Variants in NCKAP1L observed in about 807,000 individuals in gnomAD.
NCKAP1L encodes the protein NCK associated protein 1 like.
Under a neutral mutation model 139.2 loss-of-function variants are expected in NCKAP1L, and 53 were observed. The observed-to-expected ratio is 0.38, with a 90% confidence interval of 0.31 to 0.48. The LOEUF (loss-of-function observed/expected upper bound fraction) is 0.48, where lower values mean the gene tolerates loss of function less well. NCKAP1L is among the 20% of genes least tolerant of loss of function. The pLI is 0.98. For synonymous variants in NCKAP1L, 468 were observed against 499.7 expected, an observed-to-expected ratio of 0.94 and a Z score of 0.85; for missense variants, 1,151 against 1,381.9, an observed-to-expected ratio of 0.83 and a Z score of 2.65.
rs1336902503 is a variant in NCKAP1L, at chr12:54,522,717, A to G, written c.1879-677A>G. On this transcript the variant is annotated intron_variant, in intron 18 of 30. Coordinates refer to ENST00000293373, the MANE Select transcript of NCKAP1L (RefSeq NM_005337.5). ...CTTATGCTGCTCTCAGAGTGATTTCAACTGAGGAGCTTCCAGACATGCCCT... is the reference window on the plus strand; with the variant it reads ...CTTATGCTGCTCTCAGAGTGATTTCGACTGAGGAGCTTCCAGACATGCCCT... 3.3e-5 allele frequency among the ~76,000 whole-genome samples: 5 copies of G among 152,198 alleles called. 1 individual carries two copies. The East Asian group carries it at 9.6e-4, about 29-fold the overall frequency.
At chr12:54,534,084 C>A (rs936725011) in intron 26 of NCKAP1L, among the ~76,000 whole-genome samples, 1 of 152,128 alleles carries the variant, frequency 6.6e-6, no homozygotes, top group African/African-American at 2.4e-5. Flanking sequence ...TCTATGTGCT[C>A]AGCATTATGT....
intron 3 of NCKAP1L, among the ~76,000 whole-genome samples, chr12:54,505,400 T>C (rs1211907188): frequency 6.6e-6 from 1 of 151,444 alleles, no homozygotes; most frequent in Non-Finnish European, 1.5e-5. Flanking sequence ...TAACCACCAC[T>C]ACAAAGTATT....
intron 10 of NCKAP1L, among the ~76,000 whole-genome samples, 159 bp downstream of exon 10, chr12:54,516,454 T>TC (rs887153691): frequency 2.0e-5 from 3 of 151,610 alleles, no homozygotes; most frequent in African/African-American, 7.3e-5. Flanking sequence ...TCTTTTCTTT[T>TC]TTTTTTTTTT....
At position 54,517,803 on chromosome 12, in the gene NCKAP1L, T is replaced by C. The variant is rs779551123; in HGVS notation, c.1206-3T>C. On this transcript the variant is annotated splice_region_variant and splice_polypyrimidine_tract_variant and intron_variant, in intron 12 of 30. Coordinates refer to ENST00000293373, the MANE Select transcript of NCKAP1L (RefSeq NM_005337.5). Reference sequence around the variant, plus strand: ...ATCTCTGTTCTCATCCTAAACTTTATAGGAGCATTGCAGAGCTACTTTTCT... The same window carrying C: ...ATCTCTGTTCTCATCCTAAACTTTACAGGAGCATTGCAGAGCTACTTTTCT... 1.2e-6 allele frequency: 2 copies of C among 1,614,132 alleles called. No individual in the cohort carries two copies. The highest frequency in any genetic ancestry group is 1.6e-4 in the Middle Eastern group (1 of 6,062).
intron 22 of NCKAP1L, 24 bp from the exon 23 acceptor site, chr12:54,531,236 G>A: frequency 1.3e-6 from 2 of 1,587,412 alleles, no homozygotes; most frequent in Non-Finnish European, 1.7e-6. Flanking sequence ...AGTCCCATCT[G>A]GGGCCTCTGT....
At chr12:54,519,027 A>G in intron 15 of NCKAP1L, 55 bp downstream of exon 15, 2 of 1,566,126 alleles carry the variant, frequency 1.3e-6, no homozygotes, top group East Asian at 2.2e-5. Context: ...CTCCCCCACA[A>G]TCCCTTCTCT....
chr12:54,545,428 AG>A lies in NCKAP1L; in HGVS notation c.*2746del, dbSNP rs1447702323. 1 of 152,220 alleles carries A rather than the reference AG, an allele frequency of 6.6e-6. No homozygotes were observed. The highest frequency in any genetic ancestry group is 2.4e-5 in the African/African-American group (1 of 41,442). The allele number at this position is 152,220 out of a possible 1,614,324, so 9.4% of individuals were successfully genotyped here. ...TACTTGCCCGGTCTGCCTCTTCACA[AG>A]GGAAGACTTGGGTTTTAGAATCCAG... On this transcript the variant is annotated 3_prime_UTR_variant, in exon 31 of 31. Coordinates refer to ENST00000293373, the MANE Select transcript of NCKAP1L (RefSeq NM_005337.5).
chr12:54,517,628 G>C lies in NCKAP1L; in HGVS notation c.1191G>C (p.Glu397Asp). 1 of 1,612,720 alleles carries C rather than the reference G, an allele frequency of 6.2e-7. No individual in the cohort carries two copies. The highest frequency in any genetic ancestry group is 8.5e-7 in the Non-Finnish European group (1 of 1,178,752). The change falls in exon 12 of 31, where the codon GAG becomes GAC. Residue 397 changes from glutamate (E) to aspartate (D), a missense_variant. Physicochemically the swap from Glu to Asp is conservative, Grantham distance 45 (BLOSUM62 2). Coordinates refer to ENST00000293373, the MANE Select transcript of NCKAP1L (RefSeq NM_005337.5). The part of the protein sequence containing the change: ...TENVTKTKTP[E>D]DYADSSIAEL... ...ATGTCACCAAGACAAAGACACCTGA[G>C]GACTATGCTGACTCGTTAGTACTTG...
chr12:54,522,877 TA>T (rs893870927), intron 18 of NCKAP1L, among the ~76,000 whole-genome samples: 2 of 151,110 alleles, frequency 1.3e-5, no homozygotes, highest in African/African-American at 2.4e-5. Context: ...ATATGCTACT[TA>T]AAAAAAAAGT....
In NCKAP1L at chr12:54,517,007, T is replaced by C; in HGVS notation, c.1095+15T>C. On this transcript the variant is annotated intron_variant, in intron 11 of 30. Transcript: ENST00000293373. ...TGGGTCCTAAGGCAAGAGGAAGAAA[T>C]GTTGGGAGGGGAATGATGGCCAGTG... 2.5e-6 allele frequency: 4 copies of C among 1,604,440 alleles called. No individual in the cohort carries two copies. The highest frequency in any genetic ancestry group is 3.4e-6 in the Non-Finnish European group (4 of 1,172,520).
chr12:54,535,212 AG>A lies in NCKAP1L; in HGVS notation c.2956+20del, dbSNP rs1957105224. Reference sequence around the variant, plus strand: ...TCTGAAAGCTGGTAAGATTGGGGAAAGGGGGCGAGATTTGGGAAAGGAGGGC... The same window carrying A: ...TCTGAAAGCTGGTAAGATTGGGGAAAGGGGCGAGATTTGGGAAAGGAGGGC... On this transcript the variant is annotated intron_variant, in intron 27 of 30. Transcript: ENST00000293373. The A allele has an allele frequency of 3.7e-6, 6 of 1,603,356 alleles. No individual in the cohort carries two copies. Among genetic ancestry groups the A allele is most frequent in the Non-Finnish European group, 5.1e-6 (6 of 1,171,006 alleles).
chr12:54,510,411 C>T (rs894461392), intron 7 of NCKAP1L: 1 of 398,470 alleles, frequency 2.5e-6, no homozygotes, highest in Non-Finnish European at 5.0e-6. Flanking sequence ...GCAGCCTCCA[C>T]CTCCTGGGCT....
At chr12:54,506,277 C>G (rs938875239) in intron 3 of NCKAP1L, among the ~76,000 whole-genome samples, 2 of 152,112 alleles carry the variant, frequency 1.3e-5, no homozygotes, top group African/African-American at 4.8e-5. Context: ...TTCTCATCAG[C>G]ACTTGCTATT....
chr12:54,503,004 C>CAA (rs77302715), intron 3 of NCKAP1L, among the ~76,000 whole-genome samples: 17 of 83,572 alleles, frequency 2.0e-4, no homozygotes, highest in Admixed American at 4.0e-4. Context: ...GACTTTGTCT[C>CAA]AAAAAAAAAA....
chr12:54,510,417 G>A (rs1172088648), intron 7 of NCKAP1L: 2 of 388,728 alleles, frequency 5.1e-6, no homozygotes, highest in African/African-American at 2.1e-5. Flanking sequence ...TCCACCTCCT[G>A]GGCTCAAGTG....
chr12:54,533,077 C>T (rs1957085462), intron 26 of NCKAP1L, among the ~76,000 whole-genome samples: 1 of 152,176 alleles, frequency 6.6e-6, no homozygotes, highest in Admixed American at 6.5e-5. Context: ...CTCTATCTGC[C>T]TAAAATCATG....
intron 7 of NCKAP1L, 83 bp downstream of exon 7, chr12:54,510,068 A>G: frequency 6.6e-7 from 1 of 1,518,788 alleles, no homozygotes; most frequent in South Asian, 1.2e-5. Flanking sequence ...CTTTCAGGAA[A>G]TATCAGTACT....
rs1956790523 is a variant in NCKAP1L at position 54,500,604 on chromosome 12, T to G, written c.285T>G (p.Phe95Leu). 6.2e-7 allele frequency: 1 copy of G among 1,612,548 alleles called. No homozygotes were observed. The highest frequency in any genetic ancestry group is 1.3e-5 in the African/African-American group (1 of 75,028). Residue 95 changes from phenylalanine to leucine, a missense_variant, in exon 3 of 31, where the codon TTT becomes TTG. Coordinates refer to ENST00000293373, the MANE Select transcript of NCKAP1L (RefSeq NM_005337.5). Reference sequence around the variant, plus strand: ...TCCTCACCAACTACTACCAGTCATTTGTGGATGTCATGGAATTTCGGGTGA... The same window carrying G: ...TCCTCACCAACTACTACCAGTCATTGGTGGATGTCATGGAATTTCGGGTGA... ...IRFLTNYYQS[F>L]VDVMEFRDHV...
At chr12:54,524,151 C>A (rs1046152270) in intron 20 of NCKAP1L, among the ~76,000 whole-genome samples, 195 bp downstream of exon 20, 5 of 152,158 alleles carry the variant, frequency 3.3e-5, no homozygotes, top group African/African-American at 7.2e-5. Flanking sequence ...ACAAAAGGAA[C>A]CCCAAACCTC....
Sources: allele counts gnomAD v4.1 joint callset (sites outside exome capture counted in the v4.1 genomes callset), GRCh38; gene constraint gnomAD v4.1.1; transcripts MANE v1.5; gene names NCBI Gene and HGNC (gene_info 2026-07-23, HGNC 2026-07-21).